Variants in ATRN observed in about 807,000 individuals in gnomAD.
ATRN encodes attractin-2.
Under a neutral mutation model 178.7 loss-of-function variants are expected in ATRN, and 54 were observed. That is an observed-to-expected ratio of 0.30 (90% CI 0.24 to 0.38). The LOEUF is 0.38. ATRN is among the 10% of genes least tolerant of loss of function. The pLI, the probability that ATRN is intolerant of heterozygous loss-of-function variation, is 1.00. For synonymous variants in ATRN, 636 were observed against 663.0 expected, an observed-to-expected ratio of 0.96 and a Z score of 0.63; for missense variants, 1,443 against 1,815.1, an observed-to-expected ratio of 0.79 and a Z score of 3.73.
intron 15 of ATRN, among the ~76,000 whole-genome samples, chr20:3,580,103 G>T (rs542224891): frequency 6.6e-6 from 1 of 152,286 alleles, no homozygotes; most frequent in South Asian, 2.1e-4. Context: ...CTCCATTGGT[G>T]ACTGTCTCTG....
At chr20:3,504,456 A>T (rs921067450) in intron 1 of ATRN, among the ~76,000 whole-genome samples, 3 of 149,730 alleles carry the variant, frequency 2.0e-5, no homozygotes, top group Admixed American at 6.7e-5. Flanking sequence ...TGGGTGGATC[A>T]CCTGAGGTCA....
At chr20:3,490,848 A>G (rs2084782777) in intron 1 of ATRN, 7 of 823,646 alleles carry the variant, frequency 8.5e-6, no homozygotes, top group African/African-American at 5.0e-5. Flanking sequence ...CAGATCCCTC[A>G]GGTTCCCACT....
intron 2 of ATRN, among the ~76,000 whole-genome samples, chr20:3,540,013 A>G (rs888239270): frequency 6.6e-6 from 1 of 152,212 alleles, no homozygotes; most frequent in African/African-American, 2.4e-5. Context: ...AGAATCATGG[A>G]CCACATCAGT....
chr20:3,506,200 G>A (rs1454067960), intron 1 of ATRN, among the ~76,000 whole-genome samples: 2 of 152,162 alleles, frequency 1.3e-5, no homozygotes, highest in South Asian at 2.1e-4. Context: ...TGCCATTTAG[G>A]GAAACTGGTC....
chr20:3,594,355 C>T (rs577591821), intron 19 of ATRN, 124 bp from the exon 20 acceptor site: 11 of 623,492 alleles, frequency 1.8e-5, no homozygotes, highest in African/African-American at 1.1e-4. Context: ...ATTGAATGCT[C>T]GTACTTTAAT....
At chr20:3,523,101 T>A (rs190820934) in intron 1 of ATRN, among the ~76,000 whole-genome samples, 13 of 151,840 alleles carry the variant, frequency 8.6e-5, no homozygotes, top group Admixed American at 1.3e-4. Flanking sequence ...AGAAGGTGGG[T>A]AATAACAAAC....
chr20:3,501,379 C>T (rs1011711752), intron 1 of ATRN, among the ~76,000 whole-genome samples: 3 of 152,124 alleles, frequency 2.0e-5, no homozygotes, highest in Non-Finnish European at 4.4e-5. Context: ...ACTTCTAATG[C>T]CAGACTCTGT....
chr20:3,537,675 C>T (rs1465936379), intron 2 of ATRN, among the ~76,000 whole-genome samples: 1 of 149,324 alleles, frequency 6.7e-6, no homozygotes, highest in African/African-American at 2.5e-5. Context: ...CCCCACCCCA[C>T]GACAAACCCC....
chr20:3,598,050 T>C (rs1447181372), intron 22 of ATRN, 50 bp downstream of exon 22: 1 of 1,254,364 alleles, frequency 8.0e-7, no homozygotes. Flanking sequence ...GTATGGATCT[T>C]TTTCTTGGTC....
At chr20:3,610,003 C>T (rs1276906522) in intron 24 of ATRN, among the ~76,000 whole-genome samples, 1 of 151,988 alleles carries the variant, frequency 6.6e-6, no homozygotes, top group Non-Finnish European at 1.5e-5. Flanking sequence ...AAAGAGTTTC[C>T]CTTTGGGGTG....
chr20:3,492,252 A>G (rs2084805018), intron 1 of ATRN, among the ~76,000 whole-genome samples: 1 of 151,552 alleles, frequency 6.6e-6, no homozygotes. Context: ...CAAAAGCACA[A>G]GAGAGGTAGG....
intron 20 of ATRN, among the ~76,000 whole-genome samples, chr20:3,595,088 G>A (rs553390754): frequency 3.3e-5 from 5 of 152,330 alleles, no homozygotes; most frequent in African/African-American, 1.2e-4. Context: ...GAGGATGCAG[G>A]TGCAGCAGCA....
At chr20:3,564,521 G>A (rs1187076231) in intron 10 of ATRN, among the ~76,000 whole-genome samples, 1 of 152,166 alleles carries the variant, frequency 6.6e-6, no homozygotes, top group South Asian at 2.1e-4. Flanking sequence ...GCACCAGTTG[G>A]TATTAGATCC....
chr20:3,471,254 C>T lies in ATRN; in HGVS notation c.147C>T (p.Leu49=). 6.9e-7 allele frequency: 1 copy of T among 1,444,748 alleles called. No homozygotes were observed. Among genetic ancestry groups the T allele is most frequent in the Non-Finnish European group, 9.0e-7 (1 of 1,108,954 alleles). 89.5% of individuals were successfully genotyped at this position (1,444,748 alleles called of 1,614,324 possible). The change falls in exon 1 of 29, where the codon CTC becomes CTT. Residue 49 remains leucine, a synonymous_variant. Transcript: ENST00000262919. ...GRPGLGAGLR[L]PRLLSPPLRP... is the part of the protein sequence containing the mutation. Reference sequence around the variant, plus strand: ...CGGGGCTGGGGGCCGGGCTGCGCCTCCCGCGGCTGCTGTCTCCACCGCTGC... The same window carrying T: ...CGGGGCTGGGGGCCGGGCTGCGCCTTCCGCGGCTGCTGTCTCCACCGCTGC...
chr20:3,629,283 C>T, intron 25 of ATRN: 1 of 985,374 alleles, frequency 1.0e-6, no homozygotes, highest in South Asian at 4.7e-5. Flanking sequence ...AAATAAAATT[C>T]AGCGTCCTGG....
At chr20:3,559,275 C>T in intron 6 of ATRN, 118 bp from the exon 7 acceptor site, 3 of 755,930 alleles carry the variant, frequency 4.0e-6, no homozygotes, top group Non-Finnish European at 6.9e-6. Context: ...GACAAGTGCC[C>T]CCCTACATCC....
chr20:3,587,478 T>A (rs200042288), intron 18 of ATRN, among the ~76,000 whole-genome samples: 1 of 4,214 alleles, frequency 2.4e-4, no homozygotes, highest in Non-Finnish European at 3.4e-4. Context: ...GTTGAAAAGA[T>A]TTTTTTTTTT....
Position 3,591,180 on chromosome 20 carries a change from A to C in ATRN, c.3196A>C (p.Asn1066His). The change falls in exon 19 of 29, where the codon AAC (asparagine) becomes CAC (histidine). Residue 1066 changes from asparagine (N) to histidine (H), a missense_variant. Transcript: ENST00000262919. The stretch of plus-strand genomic sequence containing the variant: ...TCTTTTTCTTGCAGCTTGCCAATGC[A>C]ACGGCCACAGTAAATGCATCAATCA... The part of the protein sequence containing the change: ...SFIHCPACQC[N>H]GHSKCINQSI... 1.2e-6 allele frequency: 2 copies of C among 1,613,970 alleles called. No individual in the cohort carries two copies. Among genetic ancestry groups the C allele is most frequent in the Non-Finnish European group, 1.7e-6 (2 of 1,179,896 alleles).
intron 3 of ATRN, 123 bp downstream of exon 3, chr20:3,540,458 A>G (rs2085602510): frequency 1.5e-6 from 1 of 646,068 alleles, no homozygotes; most frequent in South Asian, 2.3e-5. Context: ...AATGGAAAGA[A>G]TACTAGTTCT....
Sources: allele counts gnomAD v4.1 joint callset (sites outside exome capture counted in the v4.1 genomes callset), GRCh38; gene constraint gnomAD v4.1.1; transcripts MANE v1.5; gene names NCBI Gene and HGNC (gene_info 2026-07-23, HGNC 2026-07-21).